The following CNTN4 variants were observed in gnomAD, a reference collection of about 807,000 sequenced individuals.
The protein encoded by CNTN4 is contactin-4.
Under a neutral mutation model 122.5 loss-of-function variants are expected in CNTN4, and 77 were observed. That is an observed-to-expected ratio of 0.63 (90% CI 0.52 to 0.76). The LOEUF is 0.76. Ranked by LOEUF, CNTN4 falls within the 30% of genes least tolerant of loss-of-function variation. CNTN4 has a pLI of 0.00. For missense variants in CNTN4, 1,256 were observed against 1,259.1 expected (o/e 1.00, Z 0.04); for synonymous variants, 512 against 447.0 (o/e 1.15, Z -1.83).
intron 12 of CNTN4, among the ~76,000 whole-genome samples, chr3:2,924,015 C>A (rs1375379676): frequency 6.6e-6 from 1 of 152,002 alleles, no homozygotes; most frequent in Non-Finnish European, 1.5e-5. Flanking sequence ...GAATTACTCC[C>A]AGAATTATAG....
chr3:2,576,896 C>G (rs193203993), intron 4 of CNTN4, among the ~76,000 whole-genome samples: 2 of 152,202 alleles, frequency 1.3e-5, no homozygotes, highest in East Asian at 3.9e-4. Flanking sequence ...AGAACTGTTC[C>G]CCTGTTGTAT....
chr3:2,824,963 A>G lies in CNTN4; in HGVS notation c.454+5382A>G, dbSNP rs188051637. On this transcript the variant is annotated intron_variant, in intron 7 of 24. Transcript: ENST00000418658. ...CAGGCGTGAGCCACTGCACTGGCCAATTGAAAATAATTCAAAATAAAATGT... is the reference window on the plus strand; with the variant it reads ...CAGGCGTGAGCCACTGCACTGGCCAGTTGAAAATAATTCAAAATAAAATGT... 1.2e-4 allele frequency among the ~76,000 whole-genome samples: 18 copies of G among 152,132 alleles called. No individual in the cohort carries two copies. In the East Asian group the frequency reaches 2.9e-3, roughly 25 times the overall value.
intron 17 of CNTN4, 77 bp from the exon 18 acceptor site, chr3:3,037,102 C>T: frequency 6.7e-7 from 1 of 1,496,332 alleles, no homozygotes; most frequent in Non-Finnish European, 9.3e-7. Flanking sequence ...GATGGATGTT[C>T]CTATCTTCCT....
At chr3:2,897,592 G>T (rs568311456) in intron 10 of CNTN4, among the ~76,000 whole-genome samples, 15 of 152,276 alleles carry the variant, frequency 9.9e-5, no homozygotes, top group African/African-American at 3.6e-4. Flanking sequence ...TAGGATTTTG[G>T]AATATTTCGA....
intron 2 of CNTN4, among the ~76,000 whole-genome samples, chr3:2,228,758 T>G (rs1193625870): frequency 6.6e-6 from 1 of 152,180 alleles, no homozygotes; most frequent in Non-Finnish European, 1.5e-5. Flanking sequence ...GAGTTTAGAC[T>G]TATTTAAAAA....
chr3:3,009,487 G>C (rs1435030291), intron 14 of CNTN4, among the ~76,000 whole-genome samples: 2 of 151,510 alleles, frequency 1.3e-5, no homozygotes, highest in South Asian at 2.1e-4. Flanking sequence ...AGGCTGGAGT[G>C]CAGTGGCGCG....
At chr3:2,349,206 C>G (rs1411133907) in intron 3 of CNTN4, among the ~76,000 whole-genome samples, 2 of 151,932 alleles carry the variant, frequency 1.3e-5, no homozygotes, top group African/African-American at 4.8e-5. Flanking sequence ...TTTTAAGGGT[C>G]TCAAGAGTTA....
chr3:2,936,384 C>T (rs549479056), intron 13 of CNTN4, among the ~76,000 whole-genome samples: 4 of 152,162 alleles, frequency 2.6e-5, no homozygotes, highest in South Asian at 2.1e-4. Context: ...GATGCTTTCT[C>T]GGGAATTCTG....
At chr3:2,937,517 A>G (rs369236777) in intron 13 of CNTN4, among the ~76,000 whole-genome samples, 3 of 152,228 alleles carry the variant, frequency 2.0e-5, no homozygotes, top group Non-Finnish European at 2.9e-5. Context: ...TACGTGGACT[A>G]TTTTATACAG....
chr3:2,664,424 TTAAG>T (rs1476918565), intron 4 of CNTN4, among the ~76,000 whole-genome samples: 6 of 151,920 alleles, frequency 3.9e-5, no homozygotes, highest in Non-Finnish European at 7.4e-5. Flanking sequence ...TTTTTTTTCC[TTAAG>T]TAAGTCTAGA....
intron 4 of CNTN4, among the ~76,000 whole-genome samples, chr3:2,727,099 C>T (rs138607139): frequency 1.8e-3 from 276 of 152,256 alleles, no homozygotes; most frequent in African/African-American, 6.0e-3. Flanking sequence ...ACGGTTATGT[C>T]GCCTCCATGT....
chr3:2,315,008 T>C (rs1199542649), intron 2 of CNTN4, among the ~76,000 whole-genome samples: 1 of 152,062 alleles, frequency 6.6e-6, no homozygotes, highest in Admixed American at 6.6e-5. Flanking sequence ...ATAAACATGT[T>C]ATTTTATATT....
At chr3:2,664,180 T>G (rs78299971) in intron 4 of CNTN4, among the ~76,000 whole-genome samples, 10,324 of 152,236 alleles carry the variant, frequency 0.068, 466 homozygotes, top group African/African-American at 0.12. Flanking sequence ...GAACTATATC[T>G]CAAAGCTATC....
chr3:2,999,760 G>T (rs1208445657), intron 14 of CNTN4, among the ~76,000 whole-genome samples: 1 of 152,174 alleles, frequency 6.6e-6, no homozygotes, highest in Non-Finnish European at 1.5e-5. Context: ...CTTCTTAATA[G>T]TGTTGCATTA....
intron 14 of CNTN4, among the ~76,000 whole-genome samples, chr3:3,014,765 G>A (rs986208534): frequency 2.0e-5 from 3 of 151,000 alleles, no homozygotes; most frequent in African/African-American, 7.3e-5. Flanking sequence ...ATTATTTGAT[G>A]TATCTTTAAA....
intron 2 of CNTN4, among the ~76,000 whole-genome samples, chr3:2,128,572 C>T (rs1337066939): frequency 6.6e-6 from 1 of 152,088 alleles, no homozygotes; most frequent in African/African-American, 2.4e-5. Flanking sequence ...GTGATCGACA[C>T]TAAGACAGAT....
intron 23 of CNTN4, among the ~76,000 whole-genome samples, chr3:3,044,619 T>C (rs1700455643): frequency 6.6e-6 from 1 of 152,214 alleles, no homozygotes; most frequent in Admixed American, 6.5e-5. Flanking sequence ...AAGCTAAGGA[T>C]GGACGTGGGC....
At chr3:2,775,344 A>G (rs73807929) in intron 6 of CNTN4, among the ~76,000 whole-genome samples, 3,608 of 152,258 alleles carry the variant, frequency 0.024, 178 homozygotes, top group African/African-American at 0.082. Flanking sequence ...TCCTCTGTAC[A>G]TAGAGTTCCT....
chr3:2,518,301 T>C (rs1357608992), intron 3 of CNTN4, among the ~76,000 whole-genome samples: 1 of 152,188 alleles, frequency 6.6e-6, no homozygotes, highest in Non-Finnish European at 1.5e-5. Flanking sequence ...TCAAGGGCTG[T>C]GTCTAAATGA....
Sources: allele counts gnomAD v4.1 joint callset (sites outside exome capture counted in the v4.1 genomes callset), GRCh38; gene constraint gnomAD v4.1.1; transcripts MANE v1.5; gene names NCBI Gene and HGNC (gene_info 2026-07-23, HGNC 2026-07-21).